The following NEURL1 variants were observed in gnomAD, a reference collection of about 807,000 sequenced individuals.
NEURL1 encodes neuralized E3 ubiquitin protein ligase 1.
Under a neutral mutation model 41.2 loss-of-function variants are expected in NEURL1, and 26 were observed. The ratio of observed to expected loss-of-function variants is 0.63; its 90% CI spans 0.46 to 0.87. NEURL1 has a LOEUF of 0.87. NEURL1 is among the 40% of genes least tolerant of loss of function. The pLI, the probability that NEURL1 is intolerant of heterozygous loss-of-function variation, is 0.00. For synonymous variants in NEURL1, 400 were observed against 402.3 expected, an observed-to-expected ratio of 0.99 and a Z score of 0.07; for missense variants, 761 against 871.1, an observed-to-expected ratio of 0.87 and a Z score of 1.59.
At chr10:103,588,883 T>C (rs747949376) in intron 4 of NEURL1, 2 of 437,574 alleles carry the variant, frequency 4.6e-6, no homozygotes, top group Non-Finnish European at 4.5e-6. Context: ...GATGTGGAGA[T>C]TGTAGTGAGC....
rs1384429936 is a variant in NEURL1 at position 103,556,733 on chromosome 10, G to A, written c.86-14139G>A. 1.3e-5 allele frequency among the ~76,000 whole-genome samples: 2 copies of A among 152,252 alleles called. No homozygotes were observed. The highest frequency in any genetic ancestry group is 4.8e-5 in the African/African-American group (2 of 41,476). The stretch of plus-strand genomic sequence containing the variant: ...GGCCCTGGAAGACACATAATCCGGA[G>A]CCAGGCCAGGGGCACTGCCAGTGGC... On this transcript the variant is annotated intron_variant, in intron 1 of 5. Coordinates refer to ENST00000369780, the MANE Select transcript of NEURL1 (RefSeq NM_004210.5). The surrounding 1 kb of genome is among the most constrained non-coding windows in gnomAD (Gnocchi z 4.4).
Position 103,584,859 on chromosome 10 carries a change from C to T in NEURL1, c.973C>T (p.Leu325Phe). ...GGAGCACGGGCGCGACGAGCGCGCG[C>T]TCGTCTTCACCAGCCGGCCCGTGCG... ...RVEHGRDERA[L>F]VFTSRPVRVA... Residue 325 changes from leucine to phenylalanine, a missense_variant, in exon 4 of 6, where the codon CTC (leucine) becomes TTC (phenylalanine). Around this residue, in one of 5 missense-constraint regions of NEURL1, gnomAD observed 443 missense variants for 408.1 expected, o/e 1.09. Coordinates refer to ENST00000369780, the MANE Select transcript of NEURL1 (RefSeq NM_004210.5). The T allele has an allele frequency of 1.4e-6, 2 of 1,410,594 alleles. No individual in the cohort carries two copies. Among genetic ancestry groups the T allele is most frequent in the Non-Finnish European group, 1.8e-6 (2 of 1,091,606 alleles). The allele number at this position is 1,410,594 out of a possible 1,614,324, so 87.4% of individuals were successfully genotyped here. A position where few individuals can be genotyped will look rare whatever the true frequency, so the allele number is the denominator to read the frequency against.
At chr10:103,507,153 G>C (rs749143976) in intron 1 of NEURL1, among the ~76,000 whole-genome samples, 3 of 152,222 alleles carry the variant, frequency 2.0e-5, no homozygotes, top group Non-Finnish European at 4.4e-5. Context: ...GCAGTAACAA[G>C]ATCCCCAGGC....
rs1212997919 is a variant in NEURL1, at chr10:103,566,021, T to G, written c.86-4851T>G. On this transcript the variant is annotated intron_variant, in intron 1 of 5. Coordinates refer to ENST00000369780, the MANE Select transcript of NEURL1 (RefSeq NM_004210.5). The surrounding 1 kb of genome is among the most constrained non-coding windows in gnomAD (Gnocchi z 4.2). ...CTCGTCCTTTTCGAGTGTACAGTTTTGTGAGTTTTTACAATGTACAAGTTG... is the reference window on the plus strand; with the variant it reads ...CTCGTCCTTTTCGAGTGTACAGTTTGGTGAGTTTTTACAATGTACAAGTTG... Among the ~76,000 whole-genome samples the G allele has an allele frequency of 6.6e-6, 1 of 152,198 alleles. No individual in the cohort carries two copies. Among genetic ancestry groups the G allele is most frequent in the East Asian group, 1.9e-4 (1 of 5,200 alleles).
chr10:103,514,134 G>T (rs2034141898), intron 1 of NEURL1, among the ~76,000 whole-genome samples: 1 of 151,382 alleles, frequency 6.6e-6, no homozygotes, highest in South Asian at 2.1e-4. Context: ...ACAGAGTCTT[G>T]CTGGAGTGTA....
At chr10:103,505,445 G>A (rs2133846423) in intron 1 of NEURL1, among the ~76,000 whole-genome samples, 1 of 152,202 alleles carries the variant, frequency 6.6e-6, no homozygotes, top group East Asian at 1.9e-4. Context: ...GGCTGGTCTT[G>A]AACTCCTGAC....
chr10:103,537,017 A>G (rs1231756338), intron 1 of NEURL1, among the ~76,000 whole-genome samples: 3 of 152,156 alleles, frequency 2.0e-5, no homozygotes, highest in Admixed American at 6.5e-5. Flanking sequence ...ATCATACAGT[A>G]TTTGGTTTTT....
chr10:103,530,747 G>C (rs1025200771), intron 1 of NEURL1, among the ~76,000 whole-genome samples: 1 of 151,730 alleles, frequency 6.6e-6, no homozygotes, highest in African/African-American at 2.4e-5. Context: ...CACTGTGTTG[G>C]CCAGGCTGGT....
chr10:103,571,190 T>A (rs12253987), intron 2 of NEURL1, 77 bp downstream of exon 2: 289,891 of 1,465,346 alleles, frequency 0.2, 32,780 homozygotes, highest in African/African-American at 0.41. Context: ...CTCTGGACTC[T>A]GCCCCTCAGC....
rs116412585 is a variant in NEURL1 at position 103,508,094 on chromosome 10, G to A, written c.85+13622G>A. Among the ~76,000 whole-genome samples the A allele has an allele frequency of 7.8e-3, 1,190 of 152,338 alleles. 11 individuals are homozygous for A. The highest frequency in any genetic ancestry group is 0.027 in the African/African-American group (1,112 of 41,566). Reference sequence around the variant, plus strand: ...ATGGCCCTGTAGTAAAACAGAATGCGGAAGAGCAGCTGAGAACCAGGCAAC... The same window carrying A: ...ATGGCCCTGTAGTAAAACAGAATGCAGAAGAGCAGCTGAGAACCAGGCAAC... On this transcript the variant is annotated intron_variant, in intron 1 of 5. Coordinates refer to ENST00000369780, the MANE Select transcript of NEURL1 (RefSeq NM_004210.5). This position sits in a 1 kb window ranked among gnomAD's most constrained non-coding sequence, Gnocchi z 4.3.
At chr10:103,585,851 A>T (rs982364665) in intron 4 of NEURL1, among the ~76,000 whole-genome samples, 1 of 143,524 alleles carries the variant, frequency 7.0e-6, no homozygotes, top group Non-Finnish European at 1.5e-5. Flanking sequence ...AAAAAAAAAA[A>T]GGTTTCCCCC....
chr10:103,495,922 A>T lies in NEURL1; in HGVS notation c.85+1450A>T, dbSNP rs570088580. 2.0e-5 allele frequency among the ~76,000 whole-genome samples: 3 copies of T among 152,216 alleles called. No individual in the cohort carries two copies. In the East Asian group the frequency reaches 5.8e-4, roughly 29 times the overall value. On this transcript the variant is annotated intron_variant, in intron 1 of 5. Coordinates refer to ENST00000369780, the MANE Select transcript of NEURL1 (RefSeq NM_004210.5). ...CAGGAGTTCCAGACCAGCCTGGCCA[A>T]CATGGCGAAACACTGTCTCTACTAA...
chr10:103,553,849 G>T (rs544171808), intron 1 of NEURL1, among the ~76,000 whole-genome samples: 2 of 152,222 alleles, frequency 1.3e-5, no homozygotes, highest in Non-Finnish European at 2.9e-5. Context: ...CAGACCTTGA[G>T]GACAGGGGCT....
At chr10:103,530,157 G>T in intron 1 of NEURL1, among the ~76,000 whole-genome samples, 1 of 151,644 alleles carries the variant, frequency 6.6e-6, no homozygotes, top group Admixed American at 6.6e-5. Context: ...AACTTTTTTT[G>T]TCAATCTTTT....
At chr10:103,570,817 G>A in intron 1 of NEURL1, 55 bp from the exon 2 acceptor site, 2 of 1,576,082 alleles carry the variant, frequency 1.3e-6, no homozygotes, top group Non-Finnish European at 1.7e-6. Context: ...AGGGGACTCT[G>A]GTCTGGCTCT....
At chr10:103,522,628 C>T (rs546077159) in intron 1 of NEURL1, among the ~76,000 whole-genome samples, 2 of 148,690 alleles carry the variant, frequency 1.3e-5, no homozygotes, top group South Asian at 2.1e-4. Context: ...AAAAAGAAGT[C>T]GTCTTTGTCT....
chr10:103,525,090 A>G (rs932759922), intron 1 of NEURL1, among the ~76,000 whole-genome samples: 1 of 151,642 alleles, frequency 6.6e-6, no homozygotes, highest in African/African-American at 2.4e-5. Flanking sequence ...CAGTTTTTTT[A>G]TGTCCTCTTC....
Position 103,558,290 on chromosome 10 carries a change from T to TA in NEURL1, c.86-12582_86-12581insA. 1.0e-6 allele frequency: 1 copy of TA among 974,708 alleles called. No homozygotes were observed. The highest frequency in any genetic ancestry group is 4.7e-5 in the South Asian group (1 of 21,066). The allele number at this position is 974,708 out of a possible 1,614,324, so 60.4% of individuals were successfully genotyped here. On this transcript the variant is annotated intron_variant, in intron 1 of 5. Coordinates refer to ENST00000369780, the MANE Select transcript of NEURL1 (RefSeq NM_004210.5). This position sits in a 1 kb window ranked among gnomAD's most constrained non-coding sequence, Gnocchi z 4.2. ...TGACAGGAGGACCCAGGACTCTGTA[T>TA]GTGTGTCGGGGGTCATCTAATTGTG...
At position 103,556,021 on chromosome 10, in the gene NEURL1, T is replaced by C. The variant is rs1038592032; in HGVS notation, c.86-14851T>C. ...CGGCTTGTGCCTAAGCACACGGGTG[T>C]GCAAGTGACAGCACCCCACAGCGCC... is the stretch of plus-strand genomic sequence containing the variant. On this transcript the variant is annotated intron_variant, in intron 1 of 5. Transcript: ENST00000369780. The surrounding 1 kb of genome is among the most constrained non-coding windows in gnomAD (Gnocchi z 4.4). Among the ~76,000 whole-genome samples, 3 of 152,228 alleles carry C rather than the reference T, an allele frequency of 2.0e-5. No homozygotes were observed. The highest frequency in any genetic ancestry group is 2.9e-5 in the Non-Finnish European group (2 of 68,032).
Sources: allele counts gnomAD v4.1 joint callset (sites outside exome capture counted in the v4.1 genomes callset), GRCh38; gene constraint gnomAD v4.1.1; regional missense constraint gnomAD v4.1.1; non-coding constraint Gnocchi (gnomAD v3.1); transcripts MANE v1.5; gene names NCBI Gene and HGNC (gene_info 2026-07-23, HGNC 2026-07-21).